Variants in NEK10 observed in about 807,000 individuals in gnomAD.
NEK10 encodes the protein serine/threonine-protein kinase Nek10.
NEK10 carries 122 observed loss-of-function variants against 159.8 expected under a neutral mutation model. The ratio of observed to expected loss-of-function variants is 0.76; its 90% CI spans 0.66 to 0.89. The LOEUF (loss-of-function observed/expected upper bound fraction) is 0.89. Among genes scored for constraint, NEK10 ranks in the 40% least tolerant of loss-of-function variants. The pLI is 0.00. For missense variants in NEK10, 1,342 were observed against 1,323.1 expected (o/e 1.01, Z -0.22); for synonymous variants, 466 against 457.1 (o/e 1.02, Z -0.25).
chr3:27,185,591 A>C (rs1339738969), intron 26 of NEK10, among the ~76,000 whole-genome samples: 1 of 152,176 alleles, frequency 6.6e-6, no homozygotes, highest in African/African-American at 2.4e-5. Flanking sequence ...TGGATTTTGC[A>C]CTTGCCTCGT....
chr3:27,213,388 G>A (rs951783645), intron 23 of NEK10, among the ~76,000 whole-genome samples: 10 of 152,090 alleles, frequency 6.6e-5, no homozygotes, highest in South Asian at 2.1e-4. Flanking sequence ...ACAACAAGCC[G>A]TTTTCCTTGG....
At chr3:27,125,218 C>A (rs1043254165) in intron 32 of NEK10, among the ~76,000 whole-genome samples, 1 of 152,114 alleles carries the variant, frequency 6.6e-6, no homozygotes, top group African/African-American at 2.4e-5. Context: ...GAATATAGTA[C>A]TTTCTAGGCA....
At chr3:27,236,057 A>G (rs1162962442) in intron 23 of NEK10, among the ~76,000 whole-genome samples, 1 of 151,724 alleles carries the variant, frequency 6.6e-6, no homozygotes, top group Non-Finnish European at 1.5e-5. Flanking sequence ...AAACAGAAAA[A>G]CAAATACTGC....
chr3:27,179,530 A>G (rs568469267), intron 26 of NEK10, among the ~76,000 whole-genome samples: 1 of 152,290 alleles, frequency 6.6e-6, no homozygotes, highest in African/African-American at 2.4e-5. Flanking sequence ...AAATGAGTGG[A>G]TTTTCTATCA....
At chr3:27,162,974 A>G (rs1382352264) in intron 29 of NEK10, among the ~76,000 whole-genome samples, 1 of 152,174 alleles carries the variant, frequency 6.6e-6, no homozygotes. Flanking sequence ...TCTAAGTATG[A>G]CTAAGAGCCT....
At chr3:27,219,357 C>T (rs1951866402) in intron 23 of NEK10, among the ~76,000 whole-genome samples, 1 of 152,156 alleles carries the variant, frequency 6.6e-6, no homozygotes, top group Non-Finnish European at 1.5e-5. Context: ...GATGCCTACC[C>T]CAATTATCAG....
At chr3:27,163,146 TG>T (rs1194845224) in intron 29 of NEK10, among the ~76,000 whole-genome samples, 1 of 152,114 alleles carries the variant, frequency 6.6e-6, no homozygotes, top group African/African-American at 2.4e-5. Flanking sequence ...TCCTATAAAA[TG>T]TTTTTTGCAT....
intron 32 of NEK10, among the ~76,000 whole-genome samples, chr3:27,125,068 A>G (rs1254939520): frequency 6.6e-6 from 1 of 152,118 alleles, no homozygotes; most frequent in Non-Finnish European, 1.5e-5. Flanking sequence ...TAAAGAGCAA[A>G]TGACTGAATA....
intron 23 of NEK10, among the ~76,000 whole-genome samples, chr3:27,231,854 C>T (rs1953313004): frequency 6.6e-6 from 1 of 151,514 alleles, no homozygotes; most frequent in Non-Finnish European, 1.5e-5. Flanking sequence ...AATAAAAACA[C>T]TGCCAACAAA....
chr3:27,137,297 T>C (rs980001106), intron 31 of NEK10, among the ~76,000 whole-genome samples: 2 of 152,184 alleles, frequency 1.3e-5, no homozygotes, highest in African/African-American at 4.8e-5. Flanking sequence ...TAATAAGATA[T>C]TTATAATAGT....
intron 23 of NEK10, among the ~76,000 whole-genome samples, chr3:27,204,110 T>C (rs950287618): frequency 6.6e-6 from 1 of 152,024 alleles, no homozygotes; most frequent in Admixed American, 6.6e-5. Flanking sequence ...GAAGATTTGC[T>C]TCATATTTCC....
chr3:27,219,035 G>A (rs1311627351), intron 23 of NEK10, among the ~76,000 whole-genome samples: 4 of 152,232 alleles, frequency 2.6e-5, no homozygotes, highest in African/African-American at 9.6e-5. Context: ...CCTTTTCTTA[G>A]TGCGTATGCC....
At chr3:27,253,547 C>T (rs1241680531) in intron 23 of NEK10, among the ~76,000 whole-genome samples, 1 of 152,176 alleles carries the variant, frequency 6.6e-6, no homozygotes, top group Non-Finnish European at 1.5e-5. Context: ...CAGCAATGTG[C>T]CCACAAACCC....
chr3:27,119,062 T>A (rs1940911793), intron 33 of NEK10, among the ~76,000 whole-genome samples: 2 of 152,242 alleles, frequency 1.3e-5, no homozygotes, highest in African/African-American at 4.8e-5. Flanking sequence ...CTTGAAAGCT[T>A]CCTCTTAGAA....
intron 22 of NEK10, among the ~76,000 whole-genome samples, chr3:27,265,286 T>G (rs1425064794): frequency 6.6e-6 from 1 of 151,970 alleles, no homozygotes; most frequent in Non-Finnish European, 1.5e-5. Flanking sequence ...AAATTTCCCT[T>G]TGAAAAATGC....
intron 23 of NEK10, among the ~76,000 whole-genome samples, chr3:27,207,240 T>C (rs1399318721): frequency 3.3e-5 from 5 of 152,276 alleles, no homozygotes; most frequent in East Asian, 3.9e-4. Context: ...GATAAGATGA[T>C]AATATTTGAC....
At chr3:27,164,381 G>T (rs1391063401) in intron 29 of NEK10, among the ~76,000 whole-genome samples, 4 of 152,174 alleles carry the variant, frequency 2.6e-5, no homozygotes, top group Middle Eastern at 3.2e-3. Context: ...CCTTCTAGAT[G>T]AAGCTAGTAC....
chr3:27,359,998 C>A (rs532302917), intron 1 of NEK10, among the ~76,000 whole-genome samples: 1 of 152,230 alleles, frequency 6.6e-6, no homozygotes, highest in Non-Finnish European at 1.5e-5. Context: ...GGTCAAATTG[C>A]TGGAAAATAA....
chr3:27,236,132 G>A (rs936684723), intron 23 of NEK10, among the ~76,000 whole-genome samples: 12 of 152,010 alleles, frequency 7.9e-5, no homozygotes, highest in African/African-American at 2.9e-4. Context: ...GGGGAACAAG[G>A]CACACTGGGG....
Sources: gnomAD v4.1 joint callset for allele counts (sites outside exome capture counted in the v4.1 genomes callset) on GRCh38, gnomAD v4.1.1 for gene constraint, MANE v1.5 for transcripts, NCBI Gene and HGNC (gene_info 2026-07-23, HGNC 2026-07-21) for gene names.